Variants in GTF2A1L observed in about 807,000 individuals in gnomAD.
GTF2A1L encodes the protein general transcription factor IIA subunit 1 like, also known as TFIIA-alpha and beta-like factor.
Under a neutral mutation model 49.7 loss-of-function variants are expected in GTF2A1L, and 48 were observed. The ratio of observed to expected loss-of-function variants is 0.97; its 90% confidence interval spans 0.77 to 1.23. GTF2A1L has a LOEUF of 1.23. Ranked by LOEUF, GTF2A1L falls within the 50% of genes most tolerant of loss-of-function variation. GTF2A1L has a pLI of 0.00. For synonymous variants in GTF2A1L, 246 were observed against 193.5 expected, an observed-to-expected ratio of 1.27 and a Z score of -2.25; for missense variants, 736 against 564.8, an observed-to-expected ratio of 1.30 and a Z score of -3.07.
At chr2:48,649,840 A>G (rs1385158648) in intron 6 of GTF2A1L, among the ~76,000 whole-genome samples, 1 of 152,088 alleles carries the variant, frequency 6.6e-6, no homozygotes, top group Non-Finnish European at 1.5e-5. Context: ...TTTCCTATTT[A>G]CTCTTCCTTC....
intron 3 of GTF2A1L, among the ~76,000 whole-genome samples, chr2:48,625,822 A>C (rs1400388531): frequency 7.0e-6 from 1 of 143,382 alleles, no homozygotes; most frequent in African/African-American, 2.5e-5. Context: ...GAATGAAGCA[A>C]TCCTCCTGCC....
At position 48,630,637 on chromosome 2, in the gene GTF2A1L, A is replaced by C. The variant is rs1476740905; in HGVS notation, c.247+9347A>C. 3.5e-5 allele frequency among the ~76,000 whole-genome samples: 5 copies of C among 143,406 alleles called. 1 individual carries two copies. Among genetic ancestry groups the C allele is most frequent in the Non-Finnish European group, 6.3e-5 (4 of 63,706 alleles). 94.1% of individuals were successfully genotyped at this position (143,406 alleles called of 152,430 possible). A position where few individuals can be genotyped will look rare whatever the true frequency, so the allele number is the denominator to read the frequency against. ...TCTTGAGTGATTGTTCTATACCTCC[A>C]GTATTATATTGAATAGGAGTGGTGA... On this transcript the variant is annotated intron_variant, in intron 3 of 8. Coordinates refer to ENST00000403751, the MANE Select transcript of GTF2A1L (RefSeq NM_006872.5).
chr2:48,678,163 A>G (rs1420179262), intron 8 of GTF2A1L, among the ~76,000 whole-genome samples: 1 of 152,012 alleles, frequency 6.6e-6, no homozygotes, highest in African/African-American at 2.4e-5. Flanking sequence ...CCTAACATTG[A>G]ACTATTGTTG....
intron 6 of GTF2A1L, among the ~76,000 whole-genome samples, chr2:48,652,734 G>A (rs1439181939): frequency 2.0e-5 from 3 of 150,416 alleles, no homozygotes; most frequent in East Asian, 4.1e-4. Context: ...TCGCTCTGTC[G>A]CCCAGACTGG....
intron 6 of GTF2A1L, among the ~76,000 whole-genome samples, chr2:48,662,150 G>A (rs1196451262): frequency 6.6e-6 from 1 of 152,128 alleles, no homozygotes; most frequent in Non-Finnish European, 1.5e-5. Flanking sequence ...CATACAAAAA[G>A]TTTACTCGTT....
chr2:48,630,665 T>C (rs148550546), intron 3 of GTF2A1L, among the ~76,000 whole-genome samples: 1,868 of 143,410 alleles, frequency 0.013, 309 homozygotes, highest in Non-Finnish European at 0.018. Flanking sequence ...AGTGGTGAGA[T>C]TGGGCATCCT....
chr2:48,672,822 C>T (rs1254266182), intron 8 of GTF2A1L, among the ~76,000 whole-genome samples: 1 of 152,074 alleles, frequency 6.6e-6, no homozygotes, highest in Non-Finnish European at 1.5e-5. Flanking sequence ...GTATACAATT[C>T]AATGGTTTAT....
chr2:48,653,896 G>A (rs1678009007), intron 6 of GTF2A1L, among the ~76,000 whole-genome samples: 1 of 143,000 alleles, frequency 7.0e-6, no homozygotes, highest in African/African-American at 2.7e-5. Flanking sequence ...ACTGTGGCCT[G>A]GGAGACAGAG....
intron 3 of GTF2A1L, among the ~76,000 whole-genome samples, chr2:48,625,696 C>T (rs571622963): frequency 7.0e-6 from 1 of 142,944 alleles, no homozygotes; most frequent in Non-Finnish European, 1.6e-5. Context: ...GATCCTCTCA[C>T]CTCGACTTCA....
chr2:48,621,821 A>G (rs1359630328), intron 3 of GTF2A1L, among the ~76,000 whole-genome samples: 1 of 152,254 alleles, frequency 6.6e-6, no homozygotes, highest in African/African-American at 2.4e-5. Flanking sequence ...TGGACTTAGC[A>G]AATCTAGACT....
At chr2:48,667,115 A>ATTTTTT (rs57507576) in intron 6 of GTF2A1L, among the ~76,000 whole-genome samples, 2 of 142,882 alleles carry the variant, frequency 1.4e-5, no homozygotes. Flanking sequence ...CTCCCAGCTA[A>ATTTTTT]TTTTTTTTTT....
intron 6 of GTF2A1L, among the ~76,000 whole-genome samples, chr2:48,660,971 T>C (rs1195015821): frequency 2.6e-5 from 4 of 152,178 alleles, no homozygotes; most frequent in African/African-American, 9.6e-5. Context: ...AGTCTTCTCT[T>C]CTTCTTATCA....
chr2:48,645,857 C>A (rs1262479273), intron 5 of GTF2A1L, among the ~76,000 whole-genome samples: 2 of 152,010 alleles, frequency 1.3e-5, no homozygotes, highest in East Asian at 3.9e-4. Flanking sequence ...ACCGTTTTAG[C>A]CAGGAGGGTC....
intron 8 of GTF2A1L, among the ~76,000 whole-genome samples, chr2:48,677,335 TA>T (rs575230576): frequency 2.2e-4 from 33 of 152,048 alleles, no homozygotes; most frequent in Non-Finnish European, 4.1e-4. Context: ...ATGGAGTGTC[TA>T]GGGGGGCCTT....
rs139834804 is a variant in GTF2A1L, at chr2:48,646,611, A to T, written c.547A>T (p.Thr183Ser). The T allele has an allele frequency of 6.2e-7, 1 of 1,614,076 alleles. No homozygotes were observed. The highest frequency in any genetic ancestry group is 2.2e-5 in the East Asian group (1 of 44,896). Residue 183 changes from threonine (T) to serine (S), a missense_variant, in exon 6 of 9, where the codon ACT becomes TCT. Coordinates refer to ENST00000403751, the MANE Select transcript of GTF2A1L (RefSeq NM_006872.5). ...ATTGAATCCATGGTCTCTTCAAGCA[A>T]CTACTGAAAAATCACAGAGAATTGA... ...PQLNPWSLQA[T>S]TEKSQRIETV... is the part of the protein sequence containing the mutation.
intron 6 of GTF2A1L, among the ~76,000 whole-genome samples, chr2:48,659,161 C>T (rs906041035): frequency 1.3e-5 from 2 of 152,028 alleles, no homozygotes; most frequent in Non-Finnish European, 2.9e-5. Context: ...AACTATACAC[C>T]TTGATAATGT....
intron 3 of GTF2A1L, among the ~76,000 whole-genome samples, chr2:48,634,309 A>G (rs896862963): frequency 6.6e-6 from 1 of 152,066 alleles, no homozygotes; most frequent in Non-Finnish European, 1.5e-5. Context: ...ACGGGATTTC[A>G]CCATGTTACC....
chr2:48,643,341 G>A (rs1295809431), intron 4 of GTF2A1L, among the ~76,000 whole-genome samples: 1 of 152,168 alleles, frequency 6.6e-6, no homozygotes, highest in African/African-American at 2.4e-5. Context: ...CCATGGTACT[G>A]AGAGTAGTAC....
Position 48,647,258 on chromosome 2 carries a change from G to A in GTF2A1L, c.978+216G>A, listed in dbSNP as rs529400688. On this transcript the variant is annotated intron_variant, in intron 6 of 8. Transcript: ENST00000403751. Reference sequence around the variant, plus strand: ...TTTACCAACTTAACCATTTTTAAGTGTACAGATCAGTAGTGTTATATACAT... The same window carrying A: ...TTTACCAACTTAACCATTTTTAAGTATACAGATCAGTAGTGTTATATACAT... 631 of 454,440 alleles carry A rather than the reference G, an allele frequency of 1.4e-3. 1 individual carries two copies. The highest frequency in any genetic ancestry group is 1.6e-3 in the Non-Finnish European group (409 of 261,454). 28.2% of individuals were successfully genotyped at this position (454,440 alleles called of 1,614,324 possible).
Sources: gnomAD v4.1 joint callset for allele counts (sites outside exome capture counted in the v4.1 genomes callset) on GRCh38, gnomAD v4.1.1 for gene constraint, MANE v1.5 for transcripts, NCBI Gene and HGNC (gene_info 2026-07-23, HGNC 2026-07-21) for gene names.